The following DYNC1I1 variants were observed in gnomAD, a reference collection of about 807,000 sequenced individuals.
DYNC1I1 encodes the protein dynein cytoplasmic 1 intermediate chain 1, also known as cytoplasmic dynein 1 intermediate chain 1.
Under a neutral mutation model 86.6 loss-of-function variants are expected in DYNC1I1, and 43 were observed. The ratio of observed to expected loss-of-function variants is 0.50; its 90% confidence interval spans 0.39 to 0.64. The LOEUF is 0.64. DYNC1I1 is among the 30% of genes least tolerant of loss of function. The probability of loss-of-function intolerance (pLI) is 0.00; values close to 1 mark genes in which losing one functional copy is unlikely to be tolerated. For missense variants in DYNC1I1, 604 were observed against 788.8 expected, an observed-to-expected ratio of 0.77 and a Z score of 2.81; for synonymous variants, 262 against 283.7, an observed-to-expected ratio of 0.92 and a Z score of 0.77.
intron 16 of DYNC1I1, among the ~76,000 whole-genome samples, chr7:96,093,791 A>G (rs1421203205): frequency 6.6e-6 from 1 of 152,090 alleles, no homozygotes; most frequent in Non-Finnish European, 1.5e-5. Context: ...TGTTCCCTTA[A>G]TTGAACTATA....
intron 1 of DYNC1I1, among the ~76,000 whole-genome samples, chr7:95,798,324 T>C (rs181369661): frequency 6.6e-6 from 1 of 152,154 alleles, no homozygotes; most frequent in Admixed American, 6.5e-5. Context: ...GAGATGTCTA[T>C]CACCCTCTTT....
intron 16 of DYNC1I1, among the ~76,000 whole-genome samples, chr7:96,104,033 G>T (rs1447468689): frequency 1.3e-5 from 2 of 152,066 alleles, no homozygotes; most frequent in South Asian, 2.1e-4. Context: ...GCATATACTC[G>T]CTGACTAATG....
At chr7:95,941,654 A>C (rs1027487243) in intron 6 of DYNC1I1, among the ~76,000 whole-genome samples, 1 of 152,156 alleles carries the variant, frequency 6.6e-6, no homozygotes, top group Admixed American at 6.5e-5. Context: ...AGCCCGTTGG[A>C]AAAGCGCAGT....
intron 6 of DYNC1I1, among the ~76,000 whole-genome samples, chr7:95,928,812 C>G (rs141248558): frequency 6.6e-6 from 1 of 152,232 alleles, no homozygotes; most frequent in East Asian, 1.9e-4. Flanking sequence ...ATAATAGTCT[C>G]CAGCTCCTAG....
chr7:96,047,002 A>C (rs983970334), intron 14 of DYNC1I1, among the ~76,000 whole-genome samples: 2 of 152,188 alleles, frequency 1.3e-5, no homozygotes, highest in African/African-American at 2.4e-5. Context: ...TATAAACAAT[A>C]GTCTTTATTG....
intron 14 of DYNC1I1, 76 bp from the exon 15 acceptor site, chr7:96,075,980 AG>A: frequency 1.3e-6 from 2 of 1,539,246 alleles, no homozygotes; most frequent in South Asian, 2.5e-5. Context: ...GAATGTGCAA[AG>A]TTTTTAATTA....
At chr7:96,101,055 C>T (rs186685687), downstream of DYNC1I1, among the ~76,000 whole-genome samples, 1 of 152,022 alleles carries the variant, frequency 6.6e-6, no homozygotes, top group Non-Finnish European at 1.5e-5. Flanking sequence ...TTGCTCACAT[C>T]CATGGGGATG....
rs140334754 is a variant in DYNC1I1, at chr7:95,974,862, A to C, written c.491-2650A>C. ...TGTTGAGGCCATGCAAGTCCACCTC[A>C]AAAAGTCCCTGCAAAGCCTCCTTAC... On this transcript the variant is annotated intron_variant, in intron 6 of 16. Transcript: ENST00000447467. Among the ~76,000 whole-genome samples the C allele has an allele frequency of 6.8e-4, 103 of 152,290 alleles. No individual in the cohort carries two copies. In the East Asian group the frequency reaches 0.019, roughly 28 times the overall value.
chr7:96,050,021 C>CAAA lies in DYNC1I1; in HGVS notation c.1509+10606_1509+10608dup, dbSNP rs1325932449. Reference sequence around the variant, plus strand: ...TGGATGACAGAGAGAGACTCCATCTCAAAAAAAACAAACAAACAAAAAAAA... The same window carrying CAAA: ...TGGATGACAGAGAGAGACTCCATCTCAAAAAAAAAAACAAACAAACAAAAAAAA... On this transcript the variant is annotated intron_variant, in intron 14 of 16. Transcript: ENST00000447467. Among the ~76,000 whole-genome samples, 140 of 132,252 alleles carry CAAA rather than the reference C, an allele frequency of 1.1e-3. 3 individuals are homozygous for CAAA. The highest frequency in any genetic ancestry group is 4.0e-3 in the African/African-American group (130 of 32,586). The allele number at this position is 132,252 out of a possible 152,430, so 86.8% of individuals were successfully genotyped here. A position where few individuals can be genotyped will look rare whatever the true frequency, so the allele number is the denominator to read the frequency against.
chr7:95,927,056 A>G (rs886865269), intron 6 of DYNC1I1, among the ~76,000 whole-genome samples: 1 of 152,160 alleles, frequency 6.6e-6, no homozygotes, highest in African/African-American at 2.4e-5. Context: ...AACTGACCTC[A>G]TGAGCAAAAA....
At chr7:95,880,270 C>G (rs1014348208) in intron 6 of DYNC1I1, among the ~76,000 whole-genome samples, 2 of 152,128 alleles carry the variant, frequency 1.3e-5, no homozygotes, top group African/African-American at 4.8e-5. Context: ...CTGTCCACAT[C>G]TGATGTTTCT....
chr7:95,961,637 G>A (rs553778784), intron 6 of DYNC1I1, among the ~76,000 whole-genome samples: 2 of 152,158 alleles, frequency 1.3e-5, no homozygotes, highest in Non-Finnish European at 2.9e-5. Context: ...AAACCTTGAA[G>A]GTTCAAACAG....
intron 4 of DYNC1I1, among the ~76,000 whole-genome samples, chr7:95,823,884 C>T (rs1795136696): frequency 6.8e-6 from 1 of 148,030 alleles, no homozygotes; most frequent in Non-Finnish European, 1.5e-5. Context: ...GGCCCAAATC[C>T]TACCCCTCCT....
chr7:96,091,845 A>C (rs1326323341), intron 16 of DYNC1I1, among the ~76,000 whole-genome samples: 2 of 152,198 alleles, frequency 1.3e-5, no homozygotes, highest in Admixed American at 1.3e-4. Context: ...AATCCTTACA[A>C]CTTTAGGTAA....
intron 6 of DYNC1I1, among the ~76,000 whole-genome samples, chr7:95,948,988 T>C (rs1450613656): frequency 6.6e-6 from 1 of 152,178 alleles, no homozygotes; most frequent in Admixed American, 6.5e-5. Context: ...TTTGAGACCA[T>C]AAAGTTTCCC....
intron 5 of DYNC1I1, among the ~76,000 whole-genome samples, chr7:95,838,831 T>C (rs1562916395): frequency 2.0e-5 from 3 of 152,220 alleles, no homozygotes; most frequent in Non-Finnish European, 4.4e-5. Flanking sequence ...GATAGTTCAT[T>C]GTTGGTGTAG....
At chr7:95,876,537 C>CA (rs71868996) in intron 6 of DYNC1I1, among the ~76,000 whole-genome samples, 33 of 151,672 alleles carry the variant, frequency 2.2e-4, no homozygotes, top group South Asian at 4.2e-4. Flanking sequence ...TCTCTACTGG[C>CA]AAAAAAAATG....
At chr7:96,002,146 T>C (rs1794027714) in intron 10 of DYNC1I1, among the ~76,000 whole-genome samples, 1 of 152,158 alleles carries the variant, frequency 6.6e-6, no homozygotes, top group Non-Finnish European at 1.5e-5. Context: ...TGAGACCCTC[T>C]CCACAAGAGC....
At chr7:96,074,355 C>G (rs944644095) in intron 14 of DYNC1I1, among the ~76,000 whole-genome samples, 1 of 152,064 alleles carries the variant, frequency 6.6e-6, no homozygotes. Context: ...CGAGACCATC[C>G]TGGCTAACAC....
Sources: allele counts gnomAD v4.1 joint callset (sites outside exome capture counted in the v4.1 genomes callset), GRCh38; gene constraint gnomAD v4.1.1; transcripts MANE v1.5; gene names NCBI Gene and HGNC (gene_info 2026-07-23, HGNC 2026-07-21).